PCSK6: variants seen among roughly 807,000 people sequenced by gnomAD.
PCSK6 encodes the protein paired basic amino acid cleaving enzyme 4.
A neutral mutation model predicts 123.3 loss-of-function variants in PCSK6; 85 were observed. That is an observed-to-expected ratio of 0.69 (90% CI 0.58 to 0.83). PCSK6 has a LOEUF of 0.83. Ranked by LOEUF, PCSK6 falls within the 40% of genes least tolerant of loss-of-function variation. The pLI is 0.00. For missense variants in PCSK6, 1,191 were observed against 1,282.3 expected (o/e 0.93, Z 1.09); for synonymous variants, 508 against 516.0 (o/e 0.98, Z 0.21).
At chr15:101,395,990 T>C (rs1037801630) in intron 7 of PCSK6, among the ~76,000 whole-genome samples, 3 of 152,148 alleles carry the variant, frequency 2.0e-5, no homozygotes, top group African/African-American at 7.2e-5. Context: ...AGTCAGATTT[T>C]ACAGAAGACT....
intron 6 of PCSK6, among the ~76,000 whole-genome samples, chr15:101,407,074 C>T (rs1483586338): frequency 1.3e-5 from 2 of 152,068 alleles, no homozygotes; most frequent in East Asian, 1.9e-4. Flanking sequence ...AGAGAAGGGC[C>T]GTGACCAGCG....
chr15:101,366,448 C>A, intron 12 of PCSK6, 116 bp from the exon 13 acceptor site: 1 of 1,096,766 alleles, frequency 9.1e-7, no homozygotes. Flanking sequence ...ACCGTACCCC[C>A]AGGGTAGCGG....
intron 6 of PCSK6, among the ~76,000 whole-genome samples, chr15:101,399,862 CTG>C (rs2042534979): frequency 6.6e-6 from 1 of 152,166 alleles, no homozygotes; most frequent in Non-Finnish European, 1.5e-5. Context: ...GGGCCCAGCT[CTG>C]TGTGTGCGAT....
In PCSK6 at chr15:101,367,164, C is replaced by T. The variant is rs3784508; in HGVS notation, c.1722-832G>A. On this transcript the variant is annotated intron_variant, in intron 12 of 21. Transcript: ENST00000611716. ...CCAACTGTACCCTTGAGCCCCTGGG[C>T]CTTCTGCCTCACACTTGGTTCAGGC... is the stretch of plus-strand genomic sequence containing the variant. Among the ~76,000 whole-genome samples the T allele has an allele frequency of 0.017, 2,513 of 152,248 alleles. 165 individuals carry two copies. The East Asian group carries it at 0.22, about 13-fold the overall frequency.
At chr15:101,366,148 G>A in intron 13 of PCSK6, 48 bp downstream of exon 13, 1 of 1,567,478 alleles carries the variant, frequency 6.4e-7, no homozygotes, top group Non-Finnish European at 8.7e-7. Context: ...GAGGTAAAAA[G>A]AGGCTTGAGA....
chr15:101,472,228 A>G (rs2057623915), intron 1 of PCSK6, among the ~76,000 whole-genome samples: 1 of 152,222 alleles, frequency 6.6e-6, no homozygotes, highest in Non-Finnish European at 1.5e-5. Flanking sequence ...CACAGCAGTC[A>G]GCAGGTCGTC....
At chr15:101,467,862 C>T (rs142670511) in intron 1 of PCSK6, among the ~76,000 whole-genome samples, 3 of 152,286 alleles carry the variant, frequency 2.0e-5, no homozygotes, top group African/African-American at 4.8e-5. Context: ...ACGCAAGCCA[C>T]GCGGACAGTG....
Position 101,318,881 on chromosome 15 carries a change from G to T in PCSK6, c.2466-459C>A, listed in dbSNP as rs78045274. On this transcript the variant is annotated intron_variant, in intron 18 of 21. Transcript: ENST00000611716. ...CAACCCGCTCTTGCCTCTCTTGCTT[G>T]AAACCTTGGAACCTTCTGCAGCTTC... 9.6e-3 allele frequency among the ~76,000 whole-genome samples: 1,459 copies of T among 152,346 alleles called. 32 individuals carry two copies. The highest frequency in any genetic ancestry group is 0.033 in the African/African-American group (1,377 of 41,578).
intron 1 of PCSK6, among the ~76,000 whole-genome samples, chr15:101,481,530 C>T (rs900387271): frequency 1.3e-5 from 2 of 151,718 alleles, no homozygotes; most frequent in Middle Eastern, 3.4e-3. Flanking sequence ...GGGCTCGAGG[C>T]GGTGGGGTGG....
chr15:101,348,738 C>A (rs966787317), intron 13 of PCSK6, among the ~76,000 whole-genome samples: 1 of 152,158 alleles, frequency 6.6e-6, no homozygotes. Context: ...CCATCACACA[C>A]GTGCAGAAAC....
At position 101,398,128 on chromosome 15, in the gene PCSK6, A is replaced by T. The variant is rs1169401261; in HGVS notation, c.996+276T>A. On this transcript the variant is annotated intron_variant, in intron 7 of 21. Transcript: ENST00000611716. This position sits in a 1 kb window ranked among gnomAD's most constrained non-coding sequence, Gnocchi z 4.6. Reference sequence around the variant, plus strand: ...GTACCCCCTTCAGCCAGGGATGGGCAAACTCCAAGGCAGAGAGGGTCGTGC... The same window carrying T: ...GTACCCCCTTCAGCCAGGGATGGGCTAACTCCAAGGCAGAGAGGGTCGTGC... 1.3e-5 allele frequency among the ~76,000 whole-genome samples: 2 copies of T among 152,206 alleles called. No homozygotes were observed. The highest frequency in any genetic ancestry group is 2.9e-5 in the Non-Finnish European group (2 of 68,020).
At chr15:101,477,847 G>T (rs11247297) in intron 1 of PCSK6, among the ~76,000 whole-genome samples, 40,591 of 152,078 alleles carry the variant, frequency 0.27, 5,562 homozygotes, top group Admixed American at 0.33. Context: ...TCCAAGAAAG[G>T]TTCCCTGACC....
At chr15:101,322,334 C>T (rs1440660761) in intron 18 of PCSK6, among the ~76,000 whole-genome samples, 186 bp downstream of exon 18, 3 of 151,106 alleles carry the variant, frequency 2.0e-5, no homozygotes, top group African/African-American at 7.4e-5. Context: ...GTAGAGATTC[C>T]GCCCATCCTC....
At chr15:101,404,770 T>A (rs2042718684) in intron 6 of PCSK6, among the ~76,000 whole-genome samples, 1 of 152,156 alleles carries the variant, frequency 6.6e-6, no homozygotes. Flanking sequence ...TCTTTGCCCT[T>A]ACTTTCAGCC....
At chr15:101,380,793 A>T (rs2041892184) in intron 11 of PCSK6, among the ~76,000 whole-genome samples, 1 of 152,228 alleles carries the variant, frequency 6.6e-6, no homozygotes, top group Non-Finnish European at 1.5e-5. Context: ...AGGCATATTC[A>T]AGGAAGAGCA....
At chr15:101,401,234 C>A (rs1027719641) in intron 6 of PCSK6, among the ~76,000 whole-genome samples, 5 of 152,224 alleles carry the variant, frequency 3.3e-5, no homozygotes, top group African/African-American at 9.6e-5. Context: ...GTGTCAGCCA[C>A]GTGGGCGTGG....
chr15:101,313,130 C>G, intron 20 of PCSK6: 1 of 1,449,238 alleles, frequency 6.9e-7, no homozygotes, highest in Non-Finnish European at 9.2e-7. Flanking sequence ...GAGCACCTTG[C>G]TATTCTGCTT....
At chr15:101,393,780 T>G (rs1368378270) in intron 7 of PCSK6, among the ~76,000 whole-genome samples, 1 of 152,236 alleles carries the variant, frequency 6.6e-6, no homozygotes. Flanking sequence ...CAAAGAGAGC[T>G]AGCAGTGCTG....
intron 12 of PCSK6, 133 bp from the exon 13 acceptor site, chr15:101,366,465 G>T: frequency 1.6e-5 from 13 of 831,358 alleles, no homozygotes; most frequent in Non-Finnish European, 2.0e-5. Flanking sequence ...GCGGGGGTCT[G>T]GCCCCAGCCA....
Sources: gnomAD v4.1 joint callset for allele counts (sites outside exome capture counted in the v4.1 genomes callset) on GRCh38, gnomAD v4.1.1 for gene constraint, Gnocchi (gnomAD v3.1) non-coding constraint, MANE v1.5 for transcripts, NCBI Gene and HGNC (gene_info 2026-07-23, HGNC 2026-07-21) for gene names.